The following VRK1 variants were observed in gnomAD, a reference collection of about 807,000 sequenced individuals.
The protein encoded by VRK1 is serine/threonine-protein kinase VRK1.
Under a neutral mutation model 57.1 loss-of-function variants are expected in VRK1, and 33 were observed. The ratio of observed to expected loss-of-function variants is 0.58; its 90% CI spans 0.44 to 0.77. The LOEUF (loss-of-function observed/expected upper bound fraction) is 0.77, where lower values mean the gene tolerates loss of function less well. VRK1 is among the 30% of genes least tolerant of loss of function. The probability of loss-of-function intolerance (pLI) is 0.00; values close to 1 mark genes in which losing one functional copy is unlikely to be tolerated. For synonymous variants in VRK1, 137 were observed against 147.8 expected, an observed-to-expected ratio of 0.93 and a Z score of 0.53; for missense variants, 413 against 477.3, an observed-to-expected ratio of 0.87 and a Z score of 1.25.
At chr14:96,827,675 C>A (rs556135556) in intron 1 of VRK1, among the ~76,000 whole-genome samples, 1 of 152,140 alleles carries the variant, frequency 6.6e-6, no homozygotes, top group African/African-American at 2.4e-5. Context: ...GTTCCATATT[C>A]CTTCAAATTG....
At chr14:96,879,021 G>A (rs1451705386) in intron 12 of VRK1, among the ~76,000 whole-genome samples, 2 of 151,954 alleles carry the variant, frequency 1.3e-5, no homozygotes, top group Non-Finnish European at 2.9e-5. Context: ...GGAATCTTTG[G>A]AGAAAGCATG....
At chr14:96,834,912 T>C (rs1357298371) in intron 2 of VRK1, among the ~76,000 whole-genome samples, 1 of 152,188 alleles carries the variant, frequency 6.6e-6, no homozygotes, top group African/African-American at 2.4e-5. Flanking sequence ...TATGTGGACT[T>C]ATGCCATCCT....
chr14:96,845,680 G>A (rs1887655297), intron 3 of VRK1, among the ~76,000 whole-genome samples: 3 of 152,212 alleles, frequency 2.0e-5, no homozygotes, highest in Middle Eastern at 3.4e-3. Context: ...AAAGGAATGG[G>A]ATTTTGGCAT....
At chr14:96,866,669 T>A (rs1472158436) in intron 11 of VRK1, among the ~76,000 whole-genome samples, 1 of 152,100 alleles carries the variant, frequency 6.6e-6, no homozygotes, top group Admixed American at 6.6e-5. Context: ...GGCTTAAGTC[T>A]TTTCTCCCCC....
At chr14:96,878,698 G>T (rs1261899140) in intron 12 of VRK1, among the ~76,000 whole-genome samples, 2 of 152,138 alleles carry the variant, frequency 1.3e-5, no homozygotes, top group Non-Finnish European at 2.9e-5. Flanking sequence ...AATAGAGGAG[G>T]TGATGGGATG....
chr14:96,821,323 G>A (rs942665475), intron 1 of VRK1, among the ~76,000 whole-genome samples: 1 of 152,136 alleles, frequency 6.6e-6, no homozygotes, highest in African/African-American at 2.4e-5. Context: ...AGCTTAGAAA[G>A]TCTAGAGTAA....
At chr14:96,851,800 T>G (rs772390720) in intron 5 of VRK1, among the ~76,000 whole-genome samples, 2 of 152,252 alleles carry the variant, frequency 1.3e-5, no homozygotes, top group Non-Finnish European at 2.9e-5. Flanking sequence ...TGATAGGAGT[T>G]ACCTACTTTA....
intron 11 of VRK1, among the ~76,000 whole-genome samples, chr14:96,873,055 T>A (rs1256939215): frequency 6.6e-6 from 1 of 152,184 alleles, no homozygotes; most frequent in Non-Finnish European, 1.5e-5. Context: ...GACTTTTGTC[T>A]TATGGGATGG....
At chr14:96,837,728 G>A (rs753651933) in intron 2 of VRK1, 34 bp from the exon 3 acceptor site, 3 of 1,404,470 alleles carry the variant, frequency 2.1e-6, no homozygotes, top group Middle Eastern at 2.0e-4. Flanking sequence ...AATATTACTT[G>A]TTCTGATATC....
chr14:96,841,828 C>T (rs191102562), intron 3 of VRK1, among the ~76,000 whole-genome samples: 1 of 147,314 alleles, frequency 6.8e-6, no homozygotes, highest in Admixed American at 6.7e-5. Context: ...GAGTGAGACT[C>T]TATCTCAAAA....
At chr14:96,833,664 A>G in intron 2 of VRK1, 33 bp downstream of exon 2, 1 of 1,612,942 alleles carries the variant, frequency 6.2e-7, no homozygotes, top group Non-Finnish European at 8.5e-7. Flanking sequence ...TGATCAATCC[A>G]AAGATTTATA....
chr14:96,842,156 T>A (rs1887488833), intron 3 of VRK1, among the ~76,000 whole-genome samples: 1 of 152,224 alleles, frequency 6.6e-6, no homozygotes. Context: ...TTTTGAATAC[T>A]TTTTAGCCAT....
At chr14:96,856,976 A>C (rs1431874984) in intron 10 of VRK1, among the ~76,000 whole-genome samples, 1 of 152,172 alleles carries the variant, frequency 6.6e-6, no homozygotes, top group African/African-American at 2.4e-5. Context: ...TCAGAAAAAA[A>C]AATATGTTAG....
chr14:96,838,697 ATGG>A (rs749384029), intron 3 of VRK1, among the ~76,000 whole-genome samples: 2 of 152,196 alleles, frequency 1.3e-5, no homozygotes, highest in Non-Finnish European at 2.9e-5. Context: ...CATGGGGATT[ATGG>A]GAGCTACTAT....
At chr14:96,848,411 G>A (rs1183803049) in intron 5 of VRK1, among the ~76,000 whole-genome samples, 2 of 152,152 alleles carry the variant, frequency 1.3e-5, no homozygotes, top group Non-Finnish European at 2.9e-5. Flanking sequence ...TGATCACAGC[G>A]ATCCATGTGG....
chr14:96,802,525 T>C (rs915367359), intron 1 of VRK1, among the ~76,000 whole-genome samples: 2 of 152,218 alleles, frequency 1.3e-5, no homozygotes, highest in African/African-American at 4.8e-5. Flanking sequence ...ATTCCATTTA[T>C]ATAGGATTCT....
intron 8 of VRK1, 27 bp from the exon 9 acceptor site, chr14:96,856,103 C>T: frequency 6.2e-7 from 1 of 1,612,252 alleles, no homozygotes; most frequent in Non-Finnish European, 8.5e-7. Context: ...TTTCAGTCTA[C>T]CTAATGTTCT....
In VRK1 at chr14:96,839,138, T is replaced by C. The variant is rs533758279; in HGVS notation, c.216+1321T>C. On this transcript the variant is annotated intron_variant, in intron 3 of 12. Coordinates refer to ENST00000216639, the MANE Select transcript of VRK1 (RefSeq NM_003384.3). ...GAGTTATTCCTGTTCCAGAAGGTTA[T>C]GTAAATGGTATTAAACAGTATATAT... is the stretch of plus-strand genomic sequence containing the variant. Among the ~76,000 whole-genome samples the C allele has an allele frequency of 9.2e-5, 14 of 151,714 alleles. 1 individual carries two copies. The East Asian group carries it at 1.2e-3, about 13-fold the overall frequency.
intron 5 of VRK1, 100 bp downstream of exon 5, chr14:96,847,444 T>A (rs1887753292): frequency 2.2e-6 from 2 of 902,598 alleles, no homozygotes; most frequent in South Asian, 2.8e-5. Flanking sequence ...ACAATATTAC[T>A]AGGCCTCCCT....
Sources: allele counts gnomAD v4.1 joint callset (sites outside exome capture counted in the v4.1 genomes callset), GRCh38; gene constraint gnomAD v4.1.1; transcripts MANE v1.5; gene names NCBI Gene and HGNC (gene_info 2026-07-23, HGNC 2026-07-21).